FHIT: variants seen among roughly 807,000 people sequenced by gnomAD.
The protein encoded by FHIT is fragile histidine triad diadenosine triphosphatase.
Under a neutral mutation model 17.9 loss-of-function variants are expected in FHIT, and 19 were observed. The observed-to-expected ratio is 1.06, with a 90% CI of 0.74 to 1.56. FHIT has a LOEUF of 1.56. FHIT is among the 40% of genes most tolerant of loss of function. The pLI, the probability that FHIT is intolerant of heterozygous loss-of-function variation, is 0.00. For synonymous variants in FHIT, 81 were observed against 69.7 expected, an observed-to-expected ratio of 1.16 and a Z score of -0.81; for missense variants, 248 against 189.2, an observed-to-expected ratio of 1.31 and a Z score of -1.82.
intron 3 of FHIT, among the ~76,000 whole-genome samples, chr3:60,888,012 A>C (rs968301234): frequency 6.6e-6 from 1 of 152,196 alleles, no homozygotes; most frequent in African/African-American, 2.4e-5. Context: ...TGTAATCCCT[A>C]AAAGATTAAA....
At chr3:61,208,469 C>A (rs9839700) in intron 1 of FHIT, among the ~76,000 whole-genome samples, 65,122 of 151,656 alleles carry the variant, frequency 0.43, 14,592 homozygotes, top group East Asian at 0.58. Context: ...GTAGGTCACT[C>A]AGGACTTGCT....
intron 4 of FHIT, among the ~76,000 whole-genome samples, chr3:60,618,604 G>A (rs1488294242): frequency 6.6e-6 from 1 of 152,194 alleles, no homozygotes; most frequent in African/African-American, 2.4e-5. Context: ...GTTCTACTGT[G>A]GCAGGCAGAA....
intron 2 of FHIT, among the ~76,000 whole-genome samples, chr3:61,126,487 A>C (rs1214920285): frequency 6.6e-6 from 1 of 152,152 alleles, no homozygotes; most frequent in Non-Finnish European, 1.5e-5. Flanking sequence ...TAGAGAGAGC[A>C]GGTAAGGGCA....
chr3:60,630,945 A>AC (rs1278183186), intron 4 of FHIT, among the ~76,000 whole-genome samples: 3 of 108,158 alleles, frequency 2.8e-5, no homozygotes, highest in Non-Finnish European at 3.9e-5. Flanking sequence ...AAAAAAAAAA[A>AC]AAAAAAAAAA....
At chr3:60,404,291 T>C (rs545151317) in intron 5 of FHIT, among the ~76,000 whole-genome samples, 2 of 151,912 alleles carry the variant, frequency 1.3e-5, no homozygotes, top group South Asian at 4.2e-4. Flanking sequence ...AAATGTCAGA[T>C]TTTAAACAAA....
chr3:60,469,193 A>G (rs1436149286), intron 5 of FHIT, among the ~76,000 whole-genome samples: 1 of 151,976 alleles, frequency 6.6e-6, no homozygotes, highest in Non-Finnish European at 1.5e-5. Flanking sequence ...TTAAATATTG[A>G]TATCTTTCTC....
intron 5 of FHIT, among the ~76,000 whole-genome samples, chr3:60,367,258 G>A (rs1700145040): frequency 1.3e-5 from 2 of 152,172 alleles, no homozygotes; most frequent in African/African-American, 4.8e-5. Flanking sequence ...AAACCCAAAT[G>A]AATGGCTTCA....
chr3:60,635,249 G>C (rs1161438296), intron 4 of FHIT, among the ~76,000 whole-genome samples: 1 of 149,024 alleles, frequency 6.7e-6, no homozygotes, highest in Admixed American at 6.8e-5. Context: ...TGTTTCCTTT[G>C]AAAGATTACT....
chr3:60,614,986 C>T (rs1209050489), intron 4 of FHIT, among the ~76,000 whole-genome samples: 17 of 151,858 alleles, frequency 1.1e-4, no homozygotes, highest in African/African-American at 2.4e-4. Flanking sequence ...CCCACAACCA[C>T]GCCCGGCTAA....
At chr3:60,721,203 T>C (rs1424023345) in intron 4 of FHIT, among the ~76,000 whole-genome samples, 3 of 152,300 alleles carry the variant, frequency 2.0e-5, no homozygotes, top group Non-Finnish European at 4.4e-5. Context: ...CCTTACCTTC[T>C]GTCTTCTTCA....
At chr3:60,422,710 A>T (rs1388447618) in intron 5 of FHIT, among the ~76,000 whole-genome samples, 1 of 151,998 alleles carries the variant, frequency 6.6e-6, no homozygotes, top group African/African-American at 2.4e-5. Flanking sequence ...GGGACACACC[A>T]CTCTTCTCCC....
chr3:60,564,206 C>T (rs569103959), intron 4 of FHIT, among the ~76,000 whole-genome samples: 1 of 152,146 alleles, frequency 6.6e-6, no homozygotes, highest in South Asian at 2.1e-4. Flanking sequence ...GACAGCACAT[C>T]TGTCTGTTGC....
intron 4 of FHIT, chr3:60,553,191 G>A (rs2036617220): frequency 6.6e-6 from 1 of 151,846 alleles, no homozygotes. Flanking sequence ...CAATATTTTG[G>A]TTTTTATTTA....
At chr3:61,184,747 T>C (rs2038452797) in intron 2 of FHIT, among the ~76,000 whole-genome samples, 1 of 152,056 alleles carries the variant, frequency 6.6e-6, no homozygotes, top group South Asian at 2.1e-4. Context: ...TCTACAAGCA[T>C]CTAAATGTAG....
chr3:60,224,677 T>A (rs1049283821), intron 5 of FHIT, among the ~76,000 whole-genome samples: 3 of 152,006 alleles, frequency 2.0e-5, no homozygotes, highest in Non-Finnish European at 4.4e-5. Context: ...ATGTGCCTTA[T>A]TCTCCTTTTT....
chr3:60,485,912 G>A (rs1019176960), intron 5 of FHIT, among the ~76,000 whole-genome samples: 7 of 150,950 alleles, frequency 4.6e-5, no homozygotes, highest in Non-Finnish European at 7.4e-5. Flanking sequence ...ACTAATTGCA[G>A]TGAGATCAGA....
At chr3:60,410,361 A>C (rs1027290522) in intron 5 of FHIT, among the ~76,000 whole-genome samples, 1 of 152,342 alleles carries the variant, frequency 6.6e-6, no homozygotes, top group African/African-American at 2.4e-5. Flanking sequence ...GGAGAAAAGA[A>C]GACAGACAAG....
intron 5 of FHIT, among the ~76,000 whole-genome samples, chr3:60,495,318 T>C (rs1301363590): frequency 1.3e-5 from 2 of 152,190 alleles, no homozygotes; most frequent in African/African-American, 4.8e-5. Flanking sequence ...ACAAATACAT[T>C]CTCTAATTCT....
intron 3 of FHIT, among the ~76,000 whole-genome samples, chr3:61,003,888 A>G (rs903177306): frequency 6.6e-6 from 1 of 152,274 alleles, no homozygotes; most frequent in African/African-American, 2.4e-5. Context: ...ATAACACATC[A>G]GCAATACATC....
Sources: gnomAD v4.1 joint callset for allele counts (sites outside exome capture counted in the v4.1 genomes callset) on GRCh38, gnomAD v4.1.1 for gene constraint, MANE v1.5 for transcripts, NCBI Gene and HGNC (gene_info 2026-07-23, HGNC 2026-07-21) for gene names.